The following UBE4B variants were observed in gnomAD, a reference collection of about 807,000 sequenced individuals.
The protein encoded by UBE4B is ubiquitination factor E4B, also known as ubiquitin conjugation factor E4 B.
A neutral mutation model predicts 148.1 loss-of-function variants in UBE4B; 27 were observed. That is an observed-to-expected ratio of 0.18 (90% CI 0.13 to 0.25). UBE4B has a LOEUF of 0.25. UBE4B is among the 10% of genes least tolerant of loss of function. The pLI is 1.00. For synonymous variants in UBE4B, 596 were observed against 619.3 expected (o/e 0.96, Z 0.56); for missense variants, 1,170 against 1,662.4 (o/e 0.70, Z 5.15).
chr1:10,130,734 A>G lies in UBE4B; in HGVS notation c.1832A>G (p.Tyr611Cys), dbSNP rs779820380. The G allele has an allele frequency of 1.9e-6, 3 of 1,614,154 alleles. No homozygotes were observed. Among genetic ancestry groups the G allele is most frequent in the South Asian group, 1.1e-5 (1 of 91,084 alleles). Residue 611 changes from tyrosine (Y) to cysteine (C), a missense_variant, in exon 14 of 28, where the codon TAC becomes TGC. Tyr to Cys is a radical substitution (Grantham distance 194). Transcript: ENST00000343090. ...TTCCAGGTTAAAGTGGTTGAAAAATACTTCTCAGGGCCTGCCATTACCCTG... is the reference window on the plus strand; with the variant it reads ...TTCCAGGTTAAAGTGGTTGAAAAATGCTTCTCAGGGCCTGCCATTACCCTG... Reference protein sequence around the residue: ...AEDDVKVVEKYFSGPAITLEN... With the variant: ...AEDDVKVVEKCFSGPAITLEN...
intron 1 of UBE4B, among the ~76,000 whole-genome samples, chr1:10,043,434 T>TC (rs1348882851): frequency 7.0e-6 from 1 of 143,320 alleles, no homozygotes; most frequent in African/African-American, 2.6e-5. Context: ...TTTTTTTTTT[T>TC]TTTTTTTTTG....
rs116066815 is a variant in UBE4B, at chr1:10,087,587, C to T, written c.212-7874C>T. Among the ~76,000 whole-genome samples the T allele has an allele frequency of 7.3e-3, 1,115 of 152,314 alleles. 14 individuals are homozygous for T. Among genetic ancestry groups the T allele is most frequent in the African/African-American group, 0.026 (1,069 of 41,566 alleles). ...TAATTTGGCTTTGTCTGGTGTTTTG[C>T]TCATGATAAGACTGGGGTTGTGGGT... On this transcript the variant is annotated intron_variant, in intron 2 of 27. Coordinates refer to ENST00000343090, the MANE Select transcript of UBE4B (RefSeq NM_001105562.3).
chr1:10,068,573 AC>A (rs1000344376), intron 1 of UBE4B, among the ~76,000 whole-genome samples: 11 of 147,910 alleles, frequency 7.4e-5, no homozygotes, highest in African/African-American at 2.8e-4. Flanking sequence ...CTGGTCTCGA[AC>A]TCCTGACCTC....
At chr1:10,159,058 A>T (rs1646119308) in intron 22 of UBE4B, among the ~76,000 whole-genome samples, 1 of 151,692 alleles carries the variant, frequency 6.6e-6, no homozygotes, top group Non-Finnish European at 1.5e-5. Flanking sequence ...ATATGCTGAG[A>T]TGATGGGTTA....
At chr1:10,175,615 C>T (rs541756744) in intron 25 of UBE4B, among the ~76,000 whole-genome samples, 37 of 152,086 alleles carry the variant, frequency 2.4e-4, no homozygotes, top group Non-Finnish European at 4.0e-4. Context: ...CGCGCCACTG[C>T]ACTCCAGCCT....
chr1:10,130,438 A>T, intron 12 of UBE4B, 62 bp from the exon 13 acceptor site: 2 of 1,357,678 alleles, frequency 1.5e-6, no homozygotes, highest in Non-Finnish European at 2.1e-6. Context: ...GAGAGTTTTC[A>T]TTACATTTTT....
chr1:10,157,822 T>C (rs1355894476), intron 21 of UBE4B, among the ~76,000 whole-genome samples: 1 of 152,090 alleles, frequency 6.6e-6, no homozygotes, highest in Non-Finnish European at 1.5e-5. Flanking sequence ...TTCTGAAATT[T>C]CTCATGCCTA....
At position 10,132,471 on chromosome 1, in the gene UBE4B, G is replaced by A. The variant is rs766995114; in HGVS notation, c.2014G>A (p.Ala672Thr). ...AAVVNANMKK[A>T]QMQTDDRLVS... ...TGTCGTCAATGCCAATATGAAGAAAGCACAGATGCAGGTAGGATTCCTACA... is the reference window on the plus strand; with the variant it reads ...TGTCGTCAATGCCAATATGAAGAAAACACAGATGCAGGTAGGATTCCTACA... Residue 672 changes from alanine (A) to threonine (T), a missense_variant, in exon 15 of 28, where the codon GCA becomes ACA. Transcript: ENST00000343090. The A allele has an allele frequency of 1.9e-6, 3 of 1,614,024 alleles. No homozygotes were observed. In the Admixed American group the frequency reaches 5.0e-5, roughly 27 times the overall value.
chr1:10,070,692 A>C lies in UBE4B; in HGVS notation c.25-1336A>C, dbSNP rs1467523452. Among the ~76,000 whole-genome samples the C allele has an allele frequency of 2.0e-5, 3 of 152,124 alleles. No homozygotes were observed. In the East Asian group the frequency reaches 5.8e-4, roughly 29 times the overall value. On this transcript the variant is annotated intron_variant, in intron 1 of 27. Transcript: ENST00000343090. ...TTGGAGATGCCCTGCTGTTAGTAGG[A>C]GTTCAACAAACACATTTTGAATGAA...
At chr1:10,035,177 TTAG>T (rs1461009281) in intron 1 of UBE4B, among the ~76,000 whole-genome samples, 1 of 150,554 alleles carries the variant, frequency 6.6e-6, no homozygotes, top group Non-Finnish European at 1.5e-5. Flanking sequence ...TTTTGTATTT[TTAG>T]TAGAGATGGG....
Position 10,171,136 on chromosome 1 carries a change from A to G in UBE4B, c.3334-2A>G. 1 of 1,612,958 alleles carries G rather than the reference A, an allele frequency of 6.2e-7. No individual in the cohort carries two copies. ...TTGTCCTATTATCCTGTGATTTCCT[A>G]GGAGCTTGGACCCCGATTGGCTGCA... is the stretch of plus-strand genomic sequence containing the variant. On this transcript the variant is annotated splice_acceptor_variant, in intron 24 of 27. Transcript: ENST00000343090. LOFTEE classifies it high-confidence loss of function.
chr1:10,095,106 G>T (rs909696881), intron 2 of UBE4B, among the ~76,000 whole-genome samples: 1 of 152,030 alleles, frequency 6.6e-6, no homozygotes, highest in African/African-American at 2.4e-5. Context: ...TCTTTTGGGC[G>T]CATTTCAAGG....
At chr1:10,122,783 A>G (rs893012046) in intron 10 of UBE4B, among the ~76,000 whole-genome samples, 4 of 152,222 alleles carry the variant, frequency 2.6e-5, no homozygotes, top group East Asian at 1.9e-4. Context: ...GCTTTTATCA[A>G]ATTTTCTTAC....
chr1:10,158,219 T>TG, intron 21 of UBE4B, 137 bp from the exon 22 acceptor site: 3 of 1,094,558 alleles, frequency 2.7e-6, no homozygotes, highest in Non-Finnish European at 3.9e-6. Context: ...GTGCCCTACA[T>TG]GCAAAAGAAG....
intron 15 of UBE4B, among the ~76,000 whole-genome samples, chr1:10,133,465 CATT>C (rs1435832585): frequency 2.0e-5 from 3 of 152,260 alleles, no homozygotes; most frequent in South Asian, 4.1e-4. Flanking sequence ...TCATTCTTAT[CATT>C]GTTGTATTAT....
At chr1:10,159,964 G>A (rs1282987271) in intron 22 of UBE4B, among the ~76,000 whole-genome samples, 2 of 152,224 alleles carry the variant, frequency 1.3e-5, no homozygotes, top group African/African-American at 2.4e-5. Context: ...TGATTGGAGC[G>A]CTTGTCCTGA....
At chr1:10,076,165 G>A (rs777623042) in intron 2 of UBE4B, among the ~76,000 whole-genome samples, 10 of 152,038 alleles carry the variant, frequency 6.6e-5, no homozygotes, top group Non-Finnish European at 1.2e-4. Context: ...TTAGACATAG[G>A]TCTAATGGGT....
At chr1:10,112,094 A>G (rs1376016007) in intron 7 of UBE4B, among the ~76,000 whole-genome samples, 1 of 152,240 alleles carries the variant, frequency 6.6e-6, no homozygotes, top group Non-Finnish European at 1.5e-5. Flanking sequence ...AATGGGATTC[A>G]GTCTGCACAG....
intron 2 of UBE4B, among the ~76,000 whole-genome samples, chr1:10,083,227 G>A (rs1288168679): frequency 6.6e-6 from 1 of 152,090 alleles, no homozygotes; most frequent in Admixed American, 6.5e-5. Context: ...TTTAGCAGAG[G>A]CCTGAATGAA....
Sources: allele counts gnomAD v4.1 joint callset (sites outside exome capture counted in the v4.1 genomes callset), GRCh38; gene constraint gnomAD v4.1.1; transcripts MANE v1.5; gene names NCBI Gene and HGNC (gene_info 2026-07-23, HGNC 2026-07-21).